The following DNAJC1 variants were observed in gnomAD, a reference collection of about 807,000 sequenced individuals.
DNAJC1 encodes DnaJ heat shock protein family (Hsp40) member C1.
A neutral mutation model predicts 76.6 loss-of-function variants in DNAJC1; 58 were observed. The observed-to-expected ratio is 0.76, with a 90% CI of 0.61 to 0.94. The LOEUF (loss-of-function observed/expected upper bound fraction) is 0.94. Among genes scored for constraint, DNAJC1 ranks in the 40% least tolerant of loss-of-function variants. The probability of loss-of-function intolerance (pLI) is 0.00; values close to 1 mark genes in which losing one functional copy is unlikely to be tolerated. For missense variants in DNAJC1, 689 were observed against 677.3 expected (o/e 1.02, Z -0.19); for synonymous variants, 258 against 267.9 (o/e 0.96, Z 0.36).
At chr10:21,782,765 G>A (rs571007599) in intron 9 of DNAJC1, among the ~76,000 whole-genome samples, 22 of 152,192 alleles carry the variant, frequency 1.4e-4, no homozygotes, top group Middle Eastern at 3.4e-3. Context: ...ATCAATAAAC[G>A]TAATCCATCA....
At chr10:21,951,018 G>C (rs2131807412) in intron 1 of DNAJC1, among the ~76,000 whole-genome samples, 1 of 152,286 alleles carries the variant, frequency 6.6e-6, no homozygotes. Context: ...TTCAGACTTG[G>C]CATTGCTGCC....
intron 8 of DNAJC1, among the ~76,000 whole-genome samples, chr10:21,824,215 A>G (rs1051267585): frequency 3.3e-5 from 5 of 152,364 alleles, no homozygotes; most frequent in African/African-American, 1.2e-4. Context: ...CTGAAGGAAT[A>G]CTAAAGCTTC....
chr10:21,910,730 T>C (rs905110175), intron 6 of DNAJC1, among the ~76,000 whole-genome samples: 10 of 151,008 alleles, frequency 6.6e-5, no homozygotes, highest in Non-Finnish European at 1.2e-4. Context: ...ACCTAGGTGA[T>C]GGGTATTAAG....
chr10:21,797,075 T>G (rs990554887), intron 9 of DNAJC1, among the ~76,000 whole-genome samples: 2 of 152,218 alleles, frequency 1.3e-5, no homozygotes, highest in Non-Finnish European at 2.9e-5. Context: ...ATTTTATGGC[T>G]TCAGGTCTTA....
chr10:21,906,063 T>C (rs987022859), intron 6 of DNAJC1, among the ~76,000 whole-genome samples: 4 of 152,222 alleles, frequency 2.6e-5, no homozygotes, highest in African/African-American at 9.6e-5. Context: ...CTTGGGGTTC[T>C]ATCAGAACTC....
At chr10:21,980,174 C>T (rs1331207802) in intron 1 of DNAJC1, among the ~76,000 whole-genome samples, 3 of 151,984 alleles carry the variant, frequency 2.0e-5, no homozygotes, top group African/African-American at 7.2e-5. Flanking sequence ...GGCACAAAAT[C>T]CAGATATTGA....
intron 8 of DNAJC1, among the ~76,000 whole-genome samples, chr10:21,814,167 G>A (rs1028035956): frequency 1.2e-4 from 19 of 152,130 alleles, no homozygotes; most frequent in African/African-American, 3.9e-4. Context: ...TTATATTGTC[G>A]GTTGGGCAGC....
chr10:21,802,007 A>G (rs1158041715), intron 9 of DNAJC1, among the ~76,000 whole-genome samples: 1 of 152,146 alleles, frequency 6.6e-6, no homozygotes, highest in Non-Finnish European at 1.5e-5. Context: ...GAGGGAGAGG[A>G]GCAGAAAAAA....
At chr10:21,840,531 A>C (rs1835558557) in intron 8 of DNAJC1, among the ~76,000 whole-genome samples, 1 of 152,318 alleles carries the variant, frequency 6.6e-6, no homozygotes, top group East Asian at 1.9e-4. Context: ...AATACCTAGG[A>C]ATCCAACTTA....
chr10:21,974,044 G>A (rs894448944), intron 1 of DNAJC1, among the ~76,000 whole-genome samples: 8 of 150,924 alleles, frequency 5.3e-5, no homozygotes, highest in African/African-American at 2.0e-4. Flanking sequence ...AGAGGTTGCA[G>A]TGAGCCGAGA....
intron 1 of DNAJC1, among the ~76,000 whole-genome samples, chr10:21,983,153 A>G (rs1227871845): frequency 2.6e-5 from 4 of 152,222 alleles, no homozygotes; most frequent in African/African-American, 9.6e-5. Flanking sequence ...TCAAACAGAT[A>G]CTTGTATACC....
At chr10:21,793,093 G>T (rs976059094) in intron 9 of DNAJC1, among the ~76,000 whole-genome samples, 1 of 152,120 alleles carries the variant, frequency 6.6e-6, no homozygotes, top group Admixed American at 6.5e-5. Flanking sequence ...ATCATCCGAG[G>T]TCAGGAGTTC....
At chr10:21,819,738 T>A (rs1302726873) in intron 8 of DNAJC1, among the ~76,000 whole-genome samples, 2 of 152,144 alleles carry the variant, frequency 1.3e-5, no homozygotes, top group African/African-American at 4.8e-5. Flanking sequence ...AAGACCAGCC[T>A]GGCCAACATG....
chr10:21,776,071 G>C (rs754561356), intron 9 of DNAJC1, among the ~76,000 whole-genome samples: 14 of 152,106 alleles, frequency 9.2e-5, no homozygotes, highest in Admixed American at 2.0e-4. Context: ...GATAGGTAAG[G>C]GTAGAGTGAA....
chr10:21,974,861 T>C (rs922613003), intron 1 of DNAJC1, among the ~76,000 whole-genome samples: 5 of 152,302 alleles, frequency 3.3e-5, no homozygotes, highest in East Asian at 3.8e-4. Context: ...GATTTCTCTA[T>C]GTAATGTAAT....
At chr10:21,908,049 T>G (rs1359452506) in intron 6 of DNAJC1, among the ~76,000 whole-genome samples, 1 of 115,964 alleles carries the variant, frequency 8.6e-6, no homozygotes, top group Non-Finnish European at 1.7e-5. Context: ...ATATAATATA[T>G]AAATATATAT....
intron 7 of DNAJC1, among the ~76,000 whole-genome samples, chr10:21,892,361 A>G: frequency 6.8e-6 from 1 of 147,406 alleles, no homozygotes; most frequent in South Asian, 2.1e-4. Flanking sequence ...TATTTAACAC[A>G]CACACACACA....
At chr10:21,847,927 G>A (rs1296326665) in intron 8 of DNAJC1, among the ~76,000 whole-genome samples, 1 of 152,140 alleles carries the variant, frequency 6.6e-6, no homozygotes, top group Non-Finnish European at 1.5e-5. Context: ...AAATGGGCAT[G>A]CAGGTATCAC....
intron 8 of DNAJC1, among the ~76,000 whole-genome samples, chr10:21,828,065 G>C (rs1205184108): frequency 1.3e-5 from 2 of 152,184 alleles, no homozygotes; most frequent in Non-Finnish European, 2.9e-5. Context: ...GCGTCAATGA[G>C]AGAACCTCTT....
Sources: gnomAD v4.1 joint callset for allele counts (sites outside exome capture counted in the v4.1 genomes callset) on GRCh38, gnomAD v4.1.1 for gene constraint, MANE v1.5 for transcripts, NCBI Gene and HGNC (gene_info 2026-07-23, HGNC 2026-07-21) for gene names.